Variants in SLC8A3 observed in about 807,000 individuals in gnomAD.
The protein encoded by SLC8A3 is solute carrier family 8 member A3.
In SLC8A3, 37 loss-of-function variants were observed where a neutral mutation model predicts 65.4. The ratio of observed to expected loss-of-function variants is 0.57; its 90% CI spans 0.44 to 0.74. The LOEUF is 0.74. Ranked by LOEUF, SLC8A3 falls within the 30% of genes least tolerant of loss-of-function variation. SLC8A3 has a pLI of 0.00. For synonymous variants in SLC8A3, 461 were observed against 444.5 expected, an observed-to-expected ratio of 1.04 and a Z score of -0.47; for missense variants, 1,112 against 1,172.1, an observed-to-expected ratio of 0.95 and a Z score of 0.75.
chr14:70,099,904 G>A (rs140040403), intron 2 of SLC8A3, among the ~76,000 whole-genome samples: 1 of 152,244 alleles, frequency 6.6e-6, no homozygotes, highest in African/African-American at 2.4e-5. Context: ...ACAGCATTGT[G>A]CTCTAAGTCT....
chr14:70,058,106 T>C (rs1888369554), intron 3 of SLC8A3, among the ~76,000 whole-genome samples: 1 of 152,232 alleles, frequency 6.6e-6, no homozygotes, highest in Non-Finnish European at 1.5e-5. Flanking sequence ...CTGAAGTCTG[T>C]TTTGTTTGCC....
At chr14:70,128,074 C>T (rs368011731) in intron 2 of SLC8A3, among the ~76,000 whole-genome samples, 2 of 152,290 alleles carry the variant, frequency 1.3e-5, no homozygotes, top group South Asian at 2.1e-4. Flanking sequence ...ACTTGTTCCT[C>T]GTTTTTGGAT....
chr14:70,054,892 T>C (rs1271246950), intron 3 of SLC8A3, among the ~76,000 whole-genome samples: 1 of 152,168 alleles, frequency 6.6e-6, no homozygotes, highest in African/African-American at 2.4e-5. Flanking sequence ...TAAGTGGCCT[T>C]AACATTTTTT....
intron 2 of SLC8A3, among the ~76,000 whole-genome samples, chr14:70,089,640 G>A (rs573989539): frequency 6.6e-6 from 1 of 152,236 alleles, no homozygotes; most frequent in African/African-American, 2.4e-5. Context: ...ACACAGATTT[G>A]GGACTTAGAC....
chr14:70,168,015 C>T lies in SLC8A3; in HGVS notation c.408G>A (p.Leu136=), dbSNP rs1897281112. 2 of 1,613,994 alleles carry T rather than the reference C, an allele frequency of 1.2e-6. No homozygotes were observed. The highest frequency in any genetic ancestry group is 1.6e-4 in the Middle Eastern group (1 of 6,084). The change falls in exon 2 of 7, where the codon CTG becomes CTA. Residue 136 remains leucine, a synonymous_variant. Coordinates refer to ENST00000356921, the MANE Select transcript of SLC8A3 (RefSeq NM_182932.3). ...IRVWNETVSN[L]TLMALGSSAP... ...CAGAGGAACCCAGGGCCATAAGGGTCAGGTTGGAGACAGTTTCATTCCAGA... is the reference window on the plus strand; with the variant it reads ...CAGAGGAACCCAGGGCCATAAGGGTTAGGTTGGAGACAGTTTCATTCCAGA...
At chr14:70,133,695 C>T (rs1376944205) in intron 2 of SLC8A3, among the ~76,000 whole-genome samples, 1 of 152,030 alleles carries the variant, frequency 6.6e-6, no homozygotes, top group Admixed American at 6.6e-5. Flanking sequence ...AATAGGGCAA[C>T]AGAGATACAG....
intron 1 of SLC8A3, among the ~76,000 whole-genome samples, chr14:70,170,315 T>C (rs892647281): frequency 1.4e-4 from 21 of 152,212 alleles, no homozygotes; most frequent in Admixed American, 1.2e-3. Flanking sequence ...TCTTGGATTA[T>C]ACCAAGTGAC....
chr14:70,183,983 T>C (rs548799067), intron 1 of SLC8A3, among the ~76,000 whole-genome samples: 1 of 152,358 alleles, frequency 6.6e-6, no homozygotes, highest in East Asian at 1.9e-4. Context: ...CAGTCAGCTC[T>C]TTCTTCTCTT....
chr14:70,082,900 C>T (rs2140012074), intron 2 of SLC8A3, among the ~76,000 whole-genome samples: 1 of 152,218 alleles, frequency 6.6e-6, no homozygotes, highest in South Asian at 2.1e-4. Context: ...CTTTCTTCCC[C>T]ATCTGTACCA....
chr14:70,062,085 G>T (rs149251), intron 2 of SLC8A3, among the ~76,000 whole-genome samples: 3 of 93,920 alleles, frequency 3.2e-5, no homozygotes, highest in African/African-American at 1.3e-4. Flanking sequence ...GTAATTTTCT[G>T]CTTTCTTTTT....
At chr14:70,148,435 T>C (rs1896065882) in intron 2 of SLC8A3, among the ~76,000 whole-genome samples, 1 of 152,164 alleles carries the variant, frequency 6.6e-6, no homozygotes, top group Non-Finnish European at 1.5e-5. Context: ...GGGTACTTTT[T>C]TCTTTTGAGG....
At chr14:70,125,494 A>G (rs1017890129) in intron 2 of SLC8A3, among the ~76,000 whole-genome samples, 3 of 152,204 alleles carry the variant, frequency 2.0e-5, no homozygotes, top group African/African-American at 7.2e-5. Flanking sequence ...TATTGCTGCA[A>G]AAGACAGACT....
chr14:70,112,249 T>C (rs1040067368), intron 2 of SLC8A3, among the ~76,000 whole-genome samples: 1 of 151,970 alleles, frequency 6.6e-6, no homozygotes, highest in African/African-American at 2.4e-5. Context: ...TAAGCAAGAG[T>C]TACATGCCTT....
Position 70,046,550 on chromosome 14 carries a change from G to C in SLC8A3, c.2390-227C>G. On this transcript the variant is annotated intron_variant, in intron 6 of 6. Transcript: ENST00000356921. This position sits in a 1 kb window ranked among gnomAD's most constrained non-coding sequence, Gnocchi z 4.2. Reference sequence around the variant, plus strand: ...TCCCATTCCTCATCTGCAGTGATCTGAAAGATTCTGAAGGGCTTTCCAGTT... The same window carrying C: ...TCCCATTCCTCATCTGCAGTGATCTCAAAGATTCTGAAGGGCTTTCCAGTT... The C allele has an allele frequency of 2.0e-6, 1 of 489,340 alleles. No individual in the cohort carries two copies. The highest frequency in any genetic ancestry group is 4.6e-5 in the South Asian group (1 of 21,808). 30.3% of individuals were successfully genotyped at this position (489,340 alleles called of 1,614,324 possible). A position where few individuals can be genotyped will look rare whatever the true frequency, so the allele number is the denominator to read the frequency against.
At chr14:70,105,474 TGTA>T (rs1253787160) in intron 2 of SLC8A3, among the ~76,000 whole-genome samples, 1 of 152,294 alleles carries the variant, frequency 6.6e-6, no homozygotes, top group South Asian at 2.1e-4. Context: ...AAGACTTTGT[TGTA>T]GTAAGTTTAA....
At chr14:70,048,520 G>A in intron 6 of SLC8A3, 1 of 625,928 alleles carries the variant, frequency 1.6e-6, no homozygotes, top group South Asian at 1.9e-5. Context: ...AACATTACAG[G>A]GGGAAAATGT....
Position 70,119,687 on chromosome 14 carries a change from A to C in SLC8A3, c.1784+46952T>G, listed in dbSNP as rs1375316898. On this transcript the variant is annotated intron_variant, in intron 2 of 6. Coordinates refer to ENST00000356921, the MANE Select transcript of SLC8A3 (RefSeq NM_182932.3). ...GAACAGCCTGAATTTTGGATTTGCTACCAACCACTTATGCAACTTTGCATT... is the reference window on the plus strand; with the variant it reads ...GAACAGCCTGAATTTTGGATTTGCTCCCAACCACTTATGCAACTTTGCATT... 2.6e-5 allele frequency among the ~76,000 whole-genome samples: 4 copies of C among 152,234 alleles called. No individual in the cohort carries two copies. The East Asian group carries it at 7.7e-4, about 29-fold the overall frequency.
Position 70,048,969 on chromosome 14 carries a change from C to T in SLC8A3, c.2187G>A (p.Leu729=). 6.2e-7 allele frequency: 1 copy of T among 1,614,230 alleles called. No homozygotes were observed. Among genetic ancestry groups the T allele is most frequent in the Non-Finnish European group, 8.5e-7 (1 of 1,180,030 alleles). The change falls in exon 6 of 7, where the codon CTG becomes CTA. Residue 729 remains leucine (L), a synonymous_variant. Transcript: ENST00000356921. ...PSCFDYVMHF[L]TVFWKVLFAC... is the part of the protein sequence containing the mutation. ...CAAACAGCACCTTCCAGAAGACAGT[C>T]AGGAAGTGCATGACGTAGTCAAAGC... is the stretch of plus-strand genomic sequence containing the variant.
chr14:70,143,691 T>C (rs1381108471), intron 2 of SLC8A3, among the ~76,000 whole-genome samples: 2 of 152,276 alleles, frequency 1.3e-5, no homozygotes, highest in South Asian at 2.1e-4. Context: ...AACTCATCCC[T>C]AGGAGAATGG....
Sources: allele counts gnomAD v4.1 joint callset (sites outside exome capture counted in the v4.1 genomes callset), GRCh38; gene constraint gnomAD v4.1.1; non-coding constraint Gnocchi (gnomAD v3.1); transcripts MANE v1.5; gene names NCBI Gene and HGNC (gene_info 2026-07-23, HGNC 2026-07-21).